MORC1: variants seen among roughly 807,000 people sequenced by gnomAD.
MORC1 encodes the protein MORC family CW-type zinc finger protein 1.
MORC1 carries 59 observed loss-of-function variants against 134.9 expected under a neutral mutation model. That is an observed-to-expected ratio of 0.44 (90% CI 0.35 to 0.54). The LOEUF is 0.54. Among genes scored for constraint, MORC1 ranks in the 20% least tolerant of loss-of-function variants. MORC1 has a pLI of 0.00. For missense variants in MORC1, 947 were observed against 1,134.5 expected (o/e 0.83, Z 2.37); for synonymous variants, 395 against 391.7 (o/e 1.01, Z -0.10).
chr3:109,105,865 G>A lies in MORC1; in HGVS notation c.155-1948C>T, dbSNP rs72937303. ...CTTTGTCTGTAAACTTTTAGGATCC[G>A]GACTACCATTTCATTTTCCCAGTTC... On this transcript the variant is annotated intron_variant, in intron 3 of 27. Transcript: ENST00000232603. 6.5e-3 allele frequency among the ~76,000 whole-genome samples: 991 copies of A among 152,078 alleles called. 10 individuals carry two copies. Among genetic ancestry groups the A allele is most frequent in the Middle Eastern group, 0.051 (15 of 294 alleles).
intron 2 of MORC1, among the ~76,000 whole-genome samples, chr3:109,113,196 C>T (rs1951204065): frequency 6.6e-6 from 1 of 152,166 alleles, no homozygotes; most frequent in Non-Finnish European, 1.5e-5. Context: ...ACCCTAAGCT[C>T]CTTTAGGGAA....
At chr3:109,089,725 C>G (rs1029227688) in intron 8 of MORC1, among the ~76,000 whole-genome samples, 4 of 152,120 alleles carry the variant, frequency 2.6e-5, no homozygotes, top group African/African-American at 9.7e-5. Context: ...TTAGTAAACA[C>G]ACCTAGCCCA....
intron 14 of MORC1, among the ~76,000 whole-genome samples, chr3:109,052,644 T>C (rs1432452372): frequency 2.6e-5 from 4 of 152,144 alleles, no homozygotes; most frequent in South Asian, 2.1e-4. Flanking sequence ...TGGATACAAA[T>C]GGAAAGAAAA....
At chr3:109,060,791 C>T (rs1027816889) in intron 11 of MORC1, among the ~76,000 whole-genome samples, 1 of 152,002 alleles carries the variant, frequency 6.6e-6, no homozygotes, top group Admixed American at 6.6e-5. Context: ...GGCAGTGCCC[C>T]CAGAGCACAG....
At chr3:108,980,548 G>C (rs931160179) in intron 23 of MORC1, among the ~76,000 whole-genome samples, 5 of 152,100 alleles carry the variant, frequency 3.3e-5, no homozygotes, top group Admixed American at 3.3e-4. Flanking sequence ...GTACCCTTAA[G>C]GCAGGAAGCC....
chr3:108,997,975 G>C (rs1434268936), intron 21 of MORC1, among the ~76,000 whole-genome samples: 1 of 152,214 alleles, frequency 6.6e-6, no homozygotes, highest in Non-Finnish European at 1.5e-5. Context: ...CTGAAAAAAA[G>C]TACAGTTATA....
rs114420757 is a variant in MORC1, at chr3:108,979,636, G to A, written c.2356C>T (p.Leu786=). The A allele has an allele frequency of 6.2e-7, 1 of 1,613,906 alleles. No homozygotes were observed. Among genetic ancestry groups the A allele is most frequent in the Admixed American group, 1.7e-5 (1 of 59,992 alleles). Reference sequence around the variant, plus strand: ...ACTCTGGCTATGTGTCCAGAACTTAGATTCACATCTTCCATCGGCACATTG... The same window carrying A: ...ACTCTGGCTATGTGTCCAGAACTTAAATTCACATCTTCCATCGGCACATTG... ...LLNVPMEDVN[L]SSGHIARVSV... The change falls in exon 24 of 28, where the codon CTA becomes TTA. Residue 786 remains leucine, a synonymous_variant. Transcript: ENST00000232603.
At chr3:108,997,627 G>A (rs1237414567) in intron 21 of MORC1, among the ~76,000 whole-genome samples, 1 of 152,148 alleles carries the variant, frequency 6.6e-6, no homozygotes, top group Non-Finnish European at 1.5e-5. Flanking sequence ...GGGTAGGGAG[G>A]GAAGTTAGGA....
intron 16 of MORC1, among the ~76,000 whole-genome samples, chr3:109,029,602 T>A (rs913843204): frequency 6.6e-6 from 1 of 152,194 alleles, no homozygotes; most frequent in Non-Finnish European, 1.5e-5. Context: ...ATGGTATGAA[T>A]GTAATGGAAG....
intron 3 of MORC1, among the ~76,000 whole-genome samples, chr3:109,104,527 C>T (rs957268575): frequency 1.3e-5 from 2 of 152,006 alleles, no homozygotes; most frequent in Non-Finnish European, 2.9e-5. Flanking sequence ...ATTTGGTTTA[C>T]AAAAATGTTG....
At chr3:109,088,610 A>C (rs1037684150) in intron 8 of MORC1, among the ~76,000 whole-genome samples, 4 of 152,134 alleles carry the variant, frequency 2.6e-5, no homozygotes, top group Non-Finnish European at 5.9e-5. Flanking sequence ...ATACACTGTT[A>C]GTGGGAGTGT....
intron 21 of MORC1, among the ~76,000 whole-genome samples, chr3:108,996,815 C>T (rs1948243320): frequency 6.6e-6 from 1 of 151,612 alleles, no homozygotes; most frequent in South Asian, 2.1e-4. Context: ...TGGAGACCAT[C>T]CTGGCTAACA....
intron 14 of MORC1, among the ~76,000 whole-genome samples, chr3:109,038,245 T>G (rs950919395): frequency 6.6e-6 from 1 of 152,246 alleles, no homozygotes; most frequent in South Asian, 2.1e-4. Flanking sequence ...TGTCTTCTTT[T>G]GAGAAATGTC....
rs767048295 is a variant in MORC1 at position 109,032,759 on chromosome 3, A to T, written c.1526T>A (p.Ile509Asn). 5 of 1,608,876 alleles carry T rather than the reference A, an allele frequency of 3.1e-6. No individual in the cohort carries two copies. The South Asian group carries it at 5.6e-5, about 18-fold the overall frequency. Residue 509 changes from isoleucine (I) to asparagine (N), a missense_variant, in exon 16 of 28, where the codon ATT (isoleucine) becomes AAT (asparagine). Coordinates refer to ENST00000232603, the MANE Select transcript of MORC1 (RefSeq NM_014429.4). ...TNYQEKEFFD[I>N]WICANNPNRL... ...GTTGGGATTATTAGCACAAATCCAA[A>T]TGTCAAAAAATTCTTTTTCCTGATA...
At chr3:108,991,277 G>A (rs1239480853) in intron 21 of MORC1, among the ~76,000 whole-genome samples, 3 of 152,196 alleles carry the variant, frequency 2.0e-5, no homozygotes, top group Non-Finnish European at 2.9e-5. Context: ...TGATTTATAG[G>A]AGTACCGCTG....
chr3:109,069,830 C>A, intron 8 of MORC1, 73 bp from the exon 9 acceptor site: 2 of 1,452,228 alleles, frequency 1.4e-6, no homozygotes, highest in South Asian at 2.9e-5. Flanking sequence ...GAAATAACAT[C>A]AGACTATCAG....
chr3:109,110,644 T>G (rs1487370346), intron 3 of MORC1, 105 bp downstream of exon 3: 2 of 994,802 alleles, frequency 2.0e-6, no homozygotes, highest in African/African-American at 1.7e-5. Context: ...TAGATTACAT[T>G]AAAATTCTAT....
intron 14 of MORC1, among the ~76,000 whole-genome samples, chr3:109,045,688 C>T (rs1013219115): frequency 6.6e-5 from 10 of 152,140 alleles, no homozygotes; most frequent in African/African-American, 2.4e-4. Flanking sequence ...GTCCTTCTTC[C>T]CTTTCTCTTG....
intron 8 of MORC1, among the ~76,000 whole-genome samples, chr3:109,083,071 C>T (rs35540961): frequency 0.061 from 9,228 of 152,010 alleles, 604 homozygotes; most frequent in African/African-American, 0.16. Flanking sequence ...AGCTCCAATT[C>T]GTCTAGCAAT....
Sources: gnomAD v4.1 joint callset for allele counts (sites outside exome capture counted in the v4.1 genomes callset) on GRCh38, gnomAD v4.1.1 for gene constraint, MANE v1.5 for transcripts, NCBI Gene and HGNC (gene_info 2026-07-23, HGNC 2026-07-21) for gene names.